The following GRIK3 variants were observed in gnomAD, a reference collection of about 807,000 sequenced individuals.
GRIK3 encodes glutamate receptor ionotropic, kainate 3.
In GRIK3, 29 loss-of-function variants were observed where a neutral mutation model predicts 102.5. The observed-to-expected ratio is 0.28, with a 90% CI of 0.21 to 0.39. The LOEUF is 0.39. Ranked by LOEUF, GRIK3 falls within the 10% of genes least tolerant of loss-of-function variation. The pLI, the probability that GRIK3 is intolerant of heterozygous loss-of-function variation, is 1.00. For synonymous variants in GRIK3, 511 were observed against 504.9 expected (o/e 1.01, Z -0.16); for missense variants, 908 against 1,252.4 (o/e 0.73, Z 4.15).
At chr1:36,810,026 C>T (rs1326091297) in intron 13 of GRIK3, among the ~76,000 whole-genome samples, 6 of 152,120 alleles carry the variant, frequency 3.9e-5, no homozygotes, top group African/African-American at 1.2e-4. Context: ...TGTCTTGGGG[C>T]CCCCCTTCTC....
At chr1:36,897,962 T>C (rs1641192010) in intron 1 of GRIK3, among the ~76,000 whole-genome samples, 1 of 152,086 alleles carries the variant, frequency 6.6e-6, no homozygotes, top group African/African-American at 2.4e-5. Context: ...TATTCAGCCA[T>C]AAAAAGAATG....
intron 8 of GRIK3, among the ~76,000 whole-genome samples, chr1:36,853,089 T>C (rs1248117398): frequency 1.3e-5 from 2 of 152,210 alleles, no homozygotes; most frequent in Non-Finnish European, 2.9e-5. Flanking sequence ...ATCCATGTGC[T>C]TCAACCTCTT....
chr1:36,933,195 G>T (rs1400261731), intron 1 of GRIK3, among the ~76,000 whole-genome samples: 1 of 152,120 alleles, frequency 6.6e-6, no homozygotes, highest in Non-Finnish European at 1.5e-5. Flanking sequence ...AGGTGACTAC[G>T]CCCAGCAGCT....
chr1:36,900,589 A>C (rs1397341129), intron 1 of GRIK3, among the ~76,000 whole-genome samples: 2 of 152,246 alleles, frequency 1.3e-5, no homozygotes, highest in East Asian at 3.8e-4. Context: ...GAATGCATAA[A>C]ATAGAAAAGA....
At chr1:36,983,010 A>G (rs553694124) in intron 1 of GRIK3, among the ~76,000 whole-genome samples, 14 of 152,204 alleles carry the variant, frequency 9.2e-5, no homozygotes, top group Non-Finnish European at 8.8e-5. Flanking sequence ...CTGCTGCAGC[A>G]GTGGCTCTGG....
chr1:36,898,087 T>G (rs981061868), intron 1 of GRIK3, among the ~76,000 whole-genome samples: 1 of 149,204 alleles, frequency 6.7e-6, no homozygotes. Flanking sequence ...ATTGAAATCA[T>G]GGAGATAGAG....
chr1:36,830,417 A>G (rs940308008), intron 10 of GRIK3, among the ~76,000 whole-genome samples: 4 of 150,686 alleles, frequency 2.7e-5, no homozygotes, highest in African/African-American at 7.3e-5. Flanking sequence ...GTATGATCTT[A>G]TTTGGAAATA....
intron 10 of GRIK3, among the ~76,000 whole-genome samples, chr1:36,827,375 T>C (rs1345714579): frequency 6.6e-6 from 1 of 152,058 alleles, no homozygotes; most frequent in African/African-American, 2.4e-5. Flanking sequence ...CTTCCTCAAG[T>C]AGGAGAGGAC....
chr1:36,848,572 T>C (rs1640544670), intron 9 of GRIK3, among the ~76,000 whole-genome samples: 1 of 152,136 alleles, frequency 6.6e-6, no homozygotes, highest in Non-Finnish European at 1.5e-5. Context: ...TTTTCATCTT[T>C]CTTACTATCT....
chr1:36,814,407 A>G (rs918994545), intron 13 of GRIK3, among the ~76,000 whole-genome samples: 1 of 149,634 alleles, frequency 6.7e-6, no homozygotes, highest in Admixed American at 6.6e-5. Flanking sequence ...GCACATACAC[A>G]CACATACACA....
rs980849550 is a variant in GRIK3 at position 36,840,632 on chromosome 1, C to T, written c.1530+1104G>A. Among the ~76,000 whole-genome samples, 21 of 150,788 alleles carry T rather than the reference C, an allele frequency of 1.4e-4. No homozygotes were observed. In the East Asian group the frequency reaches 4.1e-3, roughly 29 times the overall value. ...GCCCCAGCTACTCAGGAGACTAAGG[C>T]AGGTGGCTCACTTGAGCCCAGGAGT... is the stretch of plus-strand genomic sequence containing the variant. On this transcript the variant is annotated intron_variant, in intron 10 of 15. Transcript: ENST00000373091.
intron 9 of GRIK3, among the ~76,000 whole-genome samples, chr1:36,844,498 T>C (rs1640497751): frequency 6.6e-6 from 1 of 152,220 alleles, no homozygotes. Flanking sequence ...GATGCTCTTG[T>C]GCAATGGACA....
At chr1:37,024,595 T>C (rs571090846) in intron 1 of GRIK3, among the ~76,000 whole-genome samples, 12 of 151,636 alleles carry the variant, frequency 7.9e-5, no homozygotes, top group African/African-American at 2.9e-4. Context: ...ATAGAAAAAT[T>C]AGCCAGGCAT....
intron 7 of GRIK3, among the ~76,000 whole-genome samples, chr1:36,856,577 G>T (rs1343833346): frequency 6.6e-6 from 1 of 152,222 alleles, no homozygotes; most frequent in East Asian, 1.9e-4. Context: ...GGGTCGGGCA[G>T]GCATCTGAGG....
chr1:36,832,226 T>C (rs1349521219), intron 10 of GRIK3, among the ~76,000 whole-genome samples: 1 of 152,232 alleles, frequency 6.6e-6, no homozygotes, highest in African/African-American at 2.4e-5. Flanking sequence ...CTGTCACCTT[T>C]TCACTGTTGT....
chr1:37,034,048 C>A lies in GRIK3; in HGVS notation c.61G>T (p.Val21Leu), dbSNP rs867746273. 1 of 1,606,668 alleles carries A rather than the reference C, an allele frequency of 6.2e-7. No homozygotes were observed. Among genetic ancestry groups the A allele is most frequent in the Non-Finnish European group, 8.5e-7 (1 of 1,177,368 alleles). The change falls in exon 1 of 16, where the codon GTG becomes TTG. Residue 21 changes from valine (V) to leucine (L), a missense_variant. Around this residue, in one of 3 missense-constraint regions of GRIK3, gnomAD observed 585 missense variants for 824.9 expected, o/e 0.71. Transcript: ENST00000373091. ...LVWEYWAGLLVCAFWIPDSRG... is the reference protein window; with the variant it reads ...LVWEYWAGLLLCAFWIPDSRG... The stretch of plus-strand genomic sequence containing the variant: ...GAGTCCGGGATCCAGAAGGCGCACA[C>A]GAGGAGCCCGGCCCAGTATTCCCAA...
At chr1:36,901,163 A>G (rs1485104929) in intron 1 of GRIK3, among the ~76,000 whole-genome samples, 1 of 152,218 alleles carries the variant, frequency 6.6e-6, no homozygotes, top group East Asian at 1.9e-4. Context: ...GAAGCAGAGG[A>G]CTATTTCTTA....
intron 1 of GRIK3, among the ~76,000 whole-genome samples, chr1:36,963,549 T>A (rs747258909): frequency 5.3e-5 from 8 of 152,152 alleles, no homozygotes; most frequent in Non-Finnish European, 8.8e-5. Context: ...CATTACTCGC[T>A]CCCTTTGAAC....
At position 36,934,955 on chromosome 1, in the gene GRIK3, G is replaced by C. The variant is rs138105968; in HGVS notation, c.116-43859C>G. Reference sequence around the variant, plus strand: ...TCTGGCACCTTTCCTTCCAGGCCTTGATTTCCACTTCCCTGTTGTATTTGG... The same window carrying C: ...TCTGGCACCTTTCCTTCCAGGCCTTCATTTCCACTTCCCTGTTGTATTTGG... On this transcript the variant is annotated intron_variant, in intron 1 of 15. Coordinates refer to ENST00000373091, the MANE Select transcript of GRIK3 (RefSeq NM_000831.4). 9.2e-5 allele frequency among the ~76,000 whole-genome samples: 14 copies of C among 152,258 alleles called. No individual in the cohort carries two copies. The East Asian group carries it at 2.7e-3, about 29-fold the overall frequency.
Sources: gnomAD v4.1 joint callset for allele counts (sites outside exome capture counted in the v4.1 genomes callset) on GRCh38, gnomAD v4.1.1 for gene constraint, gnomAD v4.1.1 regional missense constraint, MANE v1.5 for transcripts, NCBI Gene and HGNC (gene_info 2026-07-23, HGNC 2026-07-21) for gene names.